Variants in CCDC88C observed in about 807,000 individuals in gnomAD.
CCDC88C encodes protein Daple.
A neutral mutation model predicts 198.8 loss-of-function variants in CCDC88C; 131 were observed. The ratio of observed to expected loss-of-function variants is 0.66; its 90% CI spans 0.57 to 0.76. The LOEUF (loss-of-function observed/expected upper bound fraction) is 0.76. Among genes scored for constraint, CCDC88C ranks in the 30% least tolerant of loss-of-function variants. The pLI, the probability that CCDC88C is intolerant of heterozygous loss-of-function variation, is 0.00. For missense variants in CCDC88C, 2,553 were observed against 2,631.6 expected (o/e 0.97, Z 0.65); for synonymous variants, 1,166 against 1,114.7 (o/e 1.05, Z -0.92).
rs368732091 is a variant in CCDC88C, at chr14:91,339,970, C to T, written c.538G>A (p.Val180Met). Residue 180 changes from valine (V) to methionine (M), a missense_variant, in exon 7 of 30, where the codon GTG (valine) becomes ATG (methionine). Physicochemically the swap from Val to Met is conservative, Grantham distance 21. This residue lies in a region of CCDC88C where 1,260 missense variants were observed against 1,412.0 expected (regional missense o/e 0.89). Transcript: ENST00000389857. The surrounding 1 kb of genome is among the most constrained non-coding windows in gnomAD (Gnocchi z 5.8). ...AGGGCCTCCAGCTCCTCCGGAGCCA[C>T]GTCGGGCAGCTCCAGCCACTGCAGG... The part of the protein sequence containing the change: ...FDLQWLELPD[V>M]APEELEALSR... The T allele has an allele frequency of 2.4e-5, 38 of 1,603,470 alleles. No homozygotes were observed. Among genetic ancestry groups the T allele is most frequent in the Admixed American group, 1.0e-4 (6 of 58,924 alleles).
intron 3 of CCDC88C, among the ~76,000 whole-genome samples, chr14:91,367,206 G>A (rs908696584): frequency 2.6e-5 from 4 of 151,668 alleles, no homozygotes; most frequent in African/African-American, 7.3e-5. Context: ...GGCTATGAAT[G>A]GGAGCTGCTA....
intron 12 of CCDC88C, among the ~76,000 whole-genome samples, chr14:91,322,744 C>T (rs1327089076): frequency 1.3e-5 from 2 of 152,060 alleles, no homozygotes; most frequent in African/African-American, 4.8e-5. Context: ...CCATCACCAC[C>T]ATCCCTTTTC....
Position 91,417,129 on chromosome 14 carries a change from G to A in CCDC88C, c.61-291C>T, listed in dbSNP as rs1268939093. ...AAGGACTTTTCAATAAATGTCTCAC[G>A]TCTCAAATCCATTGTAAATCAGTGC... On this transcript the variant is annotated intron_variant, in intron 1 of 29. Coordinates refer to ENST00000389857, the MANE Select transcript of CCDC88C (RefSeq NM_001080414.4). 5.7e-6 allele frequency: 4 copies of A among 703,102 alleles called. No homozygotes were observed. The South Asian group carries it at 5.9e-5, about 10-fold the overall frequency. The allele number at this position is 703,102 out of a possible 1,614,324, so 43.6% of individuals were successfully genotyped here.
intron 3 of CCDC88C, among the ~76,000 whole-genome samples, chr14:91,360,662 G>A (rs752749024): frequency 3.9e-5 from 6 of 152,110 alleles, no homozygotes; most frequent in African/African-American, 7.2e-5. Flanking sequence ...CTGCCTTCCC[G>A]CCCTCACACC....
intron 16 of CCDC88C, among the ~76,000 whole-genome samples, chr14:91,308,939 A>C (rs1487639794): frequency 6.6e-6 from 1 of 152,238 alleles, no homozygotes; most frequent in Non-Finnish European, 1.5e-5. Flanking sequence ...CCAAAAAACA[A>C]GATCAGGCCG....
At chr14:91,278,556 T>C (rs1198153289) in intron 28 of CCDC88C, among the ~76,000 whole-genome samples, 2 of 152,334 alleles carry the variant, frequency 1.3e-5, no homozygotes, top group African/African-American at 2.4e-5. Flanking sequence ...GGAAGGTTCA[T>C]GAAGAAAGAC....
At chr14:91,281,255 T>C (rs1890184471) in intron 27 of CCDC88C, 1 of 1,332,068 alleles carries the variant, frequency 7.5e-7, no homozygotes, top group Non-Finnish European at 1.0e-6. Flanking sequence ...GCTTGGGAGG[T>C]AGCGAATTCC....
intron 3 of CCDC88C, among the ~76,000 whole-genome samples, chr14:91,369,554 G>A (rs1567103352): frequency 1.3e-5 from 2 of 151,754 alleles, no homozygotes; most frequent in Non-Finnish European, 2.9e-5. Flanking sequence ...TTTACCTCTG[G>A]AACATAGCAC....
chr14:91,343,607 C>T lies in CCDC88C; in HGVS notation c.391G>A (p.Ala131Thr). The change falls in exon 5 of 30, where the codon GCT (alanine) becomes ACT (threonine). Residue 131 changes from alanine (A) to threonine (T), a missense_variant. Coordinates refer to ENST00000389857, the MANE Select transcript of CCDC88C (RefSeq NM_001080414.4). ...KKVLLLVLGCAVQCERKEEFI... is the reference protein window; with the variant it reads ...KKVLLLVLGCTVQCERKEEFI... ...CCCTGCCCAATCCCTACCTGGACAGCACAGCCCAGCACCAGCAGCAGCACC... is the reference window on the plus strand; with the variant it reads ...CCCTGCCCAATCCCTACCTGGACAGTACAGCCCAGCACCAGCAGCAGCACC... 1 of 1,613,742 alleles carries T rather than the reference C, an allele frequency of 6.2e-7. No individual in the cohort carries two copies. The highest frequency in any genetic ancestry group is 8.5e-7 in the Non-Finnish European group (1 of 1,179,832).
At chr14:91,386,197 A>T (rs1393260658) in intron 3 of CCDC88C, among the ~76,000 whole-genome samples, 1 of 150,824 alleles carries the variant, frequency 6.6e-6, no homozygotes, top group Non-Finnish European at 1.5e-5. Context: ...TAATCCCAGC[A>T]CTTTGGGAGG....
chr14:91,365,663 T>A (rs11844742), intron 3 of CCDC88C, among the ~76,000 whole-genome samples: 2 of 152,094 alleles, frequency 1.3e-5, no homozygotes, highest in Non-Finnish European at 1.5e-5. Flanking sequence ...TTAAATGACA[T>A]CCTTAGCCCC....
At chr14:91,314,427 T>C in intron 14 of CCDC88C, among the ~76,000 whole-genome samples, 1 of 152,228 alleles carries the variant, frequency 6.6e-6, no homozygotes, top group East Asian at 1.9e-4. Flanking sequence ...GCGGTTTCTC[T>C]TGGTCTCTGG....
chr14:91,416,887 C>T lies in CCDC88C; in HGVS notation c.61-49G>A, dbSNP rs1225662067. 3.7e-6 allele frequency: 5 copies of T among 1,358,982 alleles called. No homozygotes were observed. In the African/African-American group the frequency reaches 7.2e-5, roughly 19 times the overall value. 84.2% of individuals were successfully genotyped at this position (1,358,982 alleles called of 1,614,324 possible). ...GAAAGACAGGAAGTCACCCCGTGCGCACAAACGGTCCAAAGCTCTCCCAGG... is the reference window on the plus strand; with the variant it reads ...GAAAGACAGGAAGTCACCCCGTGCGTACAAACGGTCCAAAGCTCTCCCAGG... On this transcript the variant is annotated intron_variant, in intron 1 of 29. Coordinates refer to ENST00000389857, the MANE Select transcript of CCDC88C (RefSeq NM_001080414.4).
intron 10 of CCDC88C, among the ~76,000 whole-genome samples, chr14:91,337,289 C>T (rs1893088958): frequency 6.6e-6 from 1 of 152,198 alleles, no homozygotes; most frequent in Non-Finnish European, 1.5e-5. Context: ...ATGGGGCTTG[C>T]CCAACACCAG....
intron 6 of CCDC88C, among the ~76,000 whole-genome samples, chr14:91,341,522 G>C (rs1374947827): frequency 6.6e-6 from 1 of 152,190 alleles, no homozygotes; most frequent in Non-Finnish European, 1.5e-5. Context: ...ATCAACCCAG[G>C]GAGTCCTGTG....
intron 1 of CCDC88C, chr14:91,417,142 T>C (rs1887105636): frequency 1.4e-6 from 1 of 703,174 alleles, no homozygotes; most frequent in South Asian, 1.5e-5. Context: ...TCAAATCCAT[T>C]GTAAATCAGT....
intron 29 of CCDC88C, 93 bp downstream of exon 29, chr14:91,277,829 C>T (rs967827699): frequency 1.4e-6 from 2 of 1,381,444 alleles, no homozygotes; most frequent in East Asian, 2.6e-5. Context: ...GGCCACGCCA[C>T]CCCCACCCCA....
intron 3 of CCDC88C, among the ~76,000 whole-genome samples, chr14:91,405,479 C>A (rs1351899445): frequency 6.6e-6 from 1 of 152,082 alleles, no homozygotes; most frequent in Non-Finnish European, 1.5e-5. Context: ...GGCAGCTTTA[C>A]GGAAATGTTC....
At chr14:91,318,964 G>A (rs1437576263) in intron 13 of CCDC88C, among the ~76,000 whole-genome samples, 3 of 149,290 alleles carry the variant, frequency 2.0e-5, no homozygotes, top group Non-Finnish European at 3.0e-5. Context: ...AGGGACCCAG[G>A]TGTCCTGCCA....
Sources: gnomAD v4.1 joint callset for allele counts (sites outside exome capture counted in the v4.1 genomes callset) on GRCh38, gnomAD v4.1.1 for gene constraint, gnomAD v4.1.1 regional missense constraint, Gnocchi (gnomAD v3.1) non-coding constraint, MANE v1.5 for transcripts, NCBI Gene and HGNC (gene_info 2026-07-23, HGNC 2026-07-21) for gene names.